ACTN1: variants seen among roughly 807,000 people sequenced by gnomAD.
The protein encoded by ACTN1 is alpha-actinin-1.
In ACTN1, 30 loss-of-function variants were observed where a neutral mutation model predicts 119.6. The ratio of observed to expected loss-of-function variants is 0.25; its 90% CI spans 0.19 to 0.34. ACTN1 has a LOEUF of 0.34. ACTN1 is among the 10% of genes least tolerant of loss of function. The probability of loss-of-function intolerance (pLI) is 1.00; values close to 1 mark genes in which losing one functional copy is unlikely to be tolerated. For missense variants in ACTN1, 764 were observed against 1,223.4 expected, an observed-to-expected ratio of 0.62 and a Z score of 5.60; for synonymous variants, 429 against 472.6, an observed-to-expected ratio of 0.91 and a Z score of 1.20.
rs775632759 is a variant in ACTN1 at position 68,880,759 on chromosome 14, A to G, written c.2133+51T>C. 1 of 1,588,110 alleles carries G rather than the reference A, an allele frequency of 6.3e-7. No individual in the cohort carries two copies. Among genetic ancestry groups the G allele is most frequent in the Non-Finnish European group, 8.6e-7 (1 of 1,161,270 alleles). On this transcript the variant is annotated intron_variant, in intron 17 of 21. Coordinates refer to ENST00000394419, the MANE Select transcript of ACTN1 (RefSeq NM_001130004.2). The surrounding 1 kb of genome is among the most constrained non-coding windows in gnomAD (Gnocchi z 4.6). ...GGAGACTTCCCCACCCAGGAGAAAGAGCAGAAGGGGCCACGGGCTCCCGAA... is the reference window on the plus strand; with the variant it reads ...GGAGACTTCCCCACCCAGGAGAAAGGGCAGAAGGGGCCACGGGCTCCCGAA...
rs2031378479 is a variant in ACTN1, at chr14:68,880,308, G to C, written c.2134-200C>G. On this transcript the variant is annotated intron_variant, in intron 17 of 21. Transcript: ENST00000394419. This position sits in a 1 kb window ranked among gnomAD's most constrained non-coding sequence, Gnocchi z 4.6. The stretch of plus-strand genomic sequence containing the variant: ...AAGGACCCTAGATGACCAAGGGGCA[G>C]GGTGGCAGCCTCTGCCTGGGAGAGC... Among the ~76,000 whole-genome samples, 1 of 152,210 alleles carries C rather than the reference G, an allele frequency of 6.6e-6. No individual in the cohort carries two copies. Among genetic ancestry groups the C allele is most frequent in the Non-Finnish European group, 1.5e-5 (1 of 68,032 alleles).
chr14:68,884,217 A>G lies in ACTN1; in HGVS notation c.1586T>C (p.Met529Thr), dbSNP rs747882518. 6.2e-7 allele frequency: 1 copy of G among 1,614,080 alleles called. No homozygotes were observed. Among genetic ancestry groups the G allele is most frequent in the Non-Finnish European group, 8.5e-7 (1 of 1,179,992 alleles). ...APFNNWMEGA[M>T]EDLQDTFIVH... Reference sequence around the variant, plus strand: ...AATGAAGGTGTCCTGCAGGTCCTCCATGGCCCCCTCCATCCAGTTGTTGAA... The same window carrying G: ...AATGAAGGTGTCCTGCAGGTCCTCCGTGGCCCCCTCCATCCAGTTGTTGAA... Residue 529 changes from methionine (M) to threonine (T), a missense_variant, in exon 14 of 22, where the codon ATG (methionine) becomes ACG (threonine). This residue lies in a region of ACTN1 where 544 missense variants were observed against 912.0 expected (regional missense o/e 0.60). Transcript: ENST00000394419.
At chr14:68,959,390 A>G (rs935442980) in intron 1 of ACTN1, among the ~76,000 whole-genome samples, 8 of 152,240 alleles carry the variant, frequency 5.3e-5, no homozygotes, top group African/African-American at 1.9e-4. Flanking sequence ...TAATACTGAC[A>G]GCACTGTTTA....
chr14:68,891,271 G>A (rs2032457917), intron 10 of ACTN1, among the ~76,000 whole-genome samples: 1 of 152,190 alleles, frequency 6.6e-6, no homozygotes, highest in South Asian at 2.1e-4. Flanking sequence ...TCTGGCTTAT[G>A]AAATTTTTCC....
chr14:68,961,238 TA>T (rs1194450383), intron 1 of ACTN1, among the ~76,000 whole-genome samples: 1 of 152,198 alleles, frequency 6.6e-6, no homozygotes, highest in Non-Finnish European at 1.5e-5. Flanking sequence ...TGTGTAACTA[TA>T]TAAGAAAAAG....
chr14:68,963,947 T>C (rs1030661737), intron 1 of ACTN1, among the ~76,000 whole-genome samples: 11 of 152,218 alleles, frequency 7.2e-5, no homozygotes, highest in African/African-American at 2.7e-4. Flanking sequence ...CATTTATTCA[T>C]GCAACTAGCA....
chr14:68,918,898 G>A (rs1388700278), intron 3 of ACTN1, among the ~76,000 whole-genome samples: 1 of 152,176 alleles, frequency 6.6e-6, no homozygotes, highest in Non-Finnish European at 1.5e-5. Context: ...CTCAACTGAT[G>A]ACACTCTTCC....
chr14:68,976,386 C>T (rs1216678458), intron 1 of ACTN1, among the ~76,000 whole-genome samples: 1 of 152,124 alleles, frequency 6.6e-6, no homozygotes, highest in African/African-American at 2.4e-5. Context: ...AAAAGCAACA[C>T]GTTTACCTTA....
At chr14:68,887,593 C>G in intron 11 of ACTN1, 1 of 1,402,712 alleles carries the variant, frequency 7.1e-7, no homozygotes, top group Non-Finnish European at 9.5e-7. Context: ...AATAAACAAT[C>G]AGCAAATGAT....
intron 1 of ACTN1, among the ~76,000 whole-genome samples, chr14:68,928,731 G>T (rs1303647613): frequency 1.3e-5 from 2 of 152,168 alleles, no homozygotes; most frequent in African/African-American, 2.4e-5. Flanking sequence ...GACAGGACTA[G>T]CTCCCCCAAA....
In ACTN1 at chr14:68,906,483, G is replaced by T. The variant is rs111581691; in HGVS notation, c.595-1747C>A. 6.6e-5 allele frequency among the ~76,000 whole-genome samples: 10 copies of T among 152,316 alleles called. 2 individuals are homozygous for T. Among genetic ancestry groups the T allele is most frequent in the African/African-American group, 2.2e-4 (9 of 41,568 alleles). On this transcript the variant is annotated intron_variant, in intron 6 of 21. Coordinates refer to ENST00000394419, the MANE Select transcript of ACTN1 (RefSeq NM_001130004.2). ...GAGGAAATTGCTCTAAACAGAGAAG[G>T]TGGGGTCCCTCTGGGAAAGTCTCCA...
At chr14:68,893,521 T>A in intron 9 of ACTN1, 134 bp downstream of exon 9, 1 of 810,484 alleles carries the variant, frequency 1.2e-6, no homozygotes, top group Non-Finnish European at 1.9e-6. Context: ...GAGCTCAGGC[T>A]GCCCTGGACT....
At chr14:68,971,337 G>C (rs1455795875) in intron 1 of ACTN1, among the ~76,000 whole-genome samples, 1 of 152,230 alleles carries the variant, frequency 6.6e-6, no homozygotes, top group Non-Finnish European at 1.5e-5. Context: ...AATAAGTACT[G>C]GTTGGTTGGT....
rs1213826618 is a variant in ACTN1, at chr14:68,882,128, GT to G, written c.1953+329del. Among the ~76,000 whole-genome samples the G allele has an allele frequency of 6.6e-6, 1 of 151,892 alleles. No individual in the cohort carries two copies. The highest frequency in any genetic ancestry group is 1.5e-5 in the Non-Finnish European group (1 of 67,980). On this transcript the variant is annotated intron_variant, in intron 16 of 21. Transcript: ENST00000394419. The surrounding 1 kb of genome is among the most constrained non-coding windows in gnomAD (Gnocchi z 4.5). ...TTTTTGTATTTTTAGTAGAGACGGG[GT>G]TTCACCATGTTGGCCAGGCTGGTCT...
chr14:68,901,987 G>T (rs2033370795), intron 8 of ACTN1, among the ~76,000 whole-genome samples: 1 of 152,248 alleles, frequency 6.6e-6, no homozygotes, highest in Non-Finnish European at 1.5e-5. Context: ...GGACAGATCT[G>T]CTAAGTCATG....
At position 68,926,288 on chromosome 14, in the gene ACTN1, C is replaced by A. The variant is rs79098660; in HGVS notation, c.106-616G>T. 4.8e-3 allele frequency among the ~76,000 whole-genome samples: 732 copies of A among 152,162 alleles called. 6 individuals carry two copies. Among genetic ancestry groups the A allele is most frequent in the African/African-American group, 0.017 (705 of 41,494 alleles). On this transcript the variant is annotated intron_variant, in intron 1 of 21. Transcript: ENST00000394419. ...CTAAGCTGCAAAAGCATGAAGAGTT[C>A]CAGAAAGGGAATGTAAGGAGGTCAA...
intron 1 of ACTN1, among the ~76,000 whole-genome samples, chr14:68,948,493 G>T (rs1307101544): frequency 6.6e-6 from 1 of 152,106 alleles, no homozygotes; most frequent in Admixed American, 6.5e-5. Context: ...CAGGAGAATG[G>T]CTTGAACCCG....
intron 1 of ACTN1, among the ~76,000 whole-genome samples, chr14:68,971,740 G>C (rs1239632408): frequency 6.6e-6 from 1 of 152,196 alleles, no homozygotes; most frequent in Non-Finnish European, 1.5e-5. Context: ...GGCAGGCCTA[G>C]GGAAGACCCC....
intron 1 of ACTN1, among the ~76,000 whole-genome samples, chr14:68,971,832 A>G (rs1042493170): frequency 3.9e-5 from 6 of 152,166 alleles, no homozygotes; most frequent in African/African-American, 1.4e-4. Context: ...TTCCAGGGGA[A>G]CAGCCTCCTC....
Sources: allele counts gnomAD v4.1 joint callset (sites outside exome capture counted in the v4.1 genomes callset), GRCh38; gene constraint gnomAD v4.1.1; regional missense constraint gnomAD v4.1.1; non-coding constraint Gnocchi (gnomAD v3.1); transcripts MANE v1.5; gene names NCBI Gene and HGNC (gene_info 2026-07-23, HGNC 2026-07-21).